Variants in MYADM observed in about 807,000 individuals in gnomAD.
The protein encoded by MYADM is myeloid-associated differentiation marker.
For synonymous variants in MYADM, 224 were observed against 210.2 expected, an observed-to-expected ratio of 1.07 and a Z score of -0.57; for missense variants, 416 against 443.4, an observed-to-expected ratio of 0.94 and a Z score of 0.56.
At position 53,873,952 on chromosome 19, in the gene MYADM, C is replaced by T. The variant is rs200027989; in HGVS notation, c.423C>T (p.Thr141=). 1,140 of 1,610,820 alleles carry T rather than the reference C, an allele frequency of 7.1e-4. 1 individual carries two copies. The highest frequency in any genetic ancestry group is 1.5e-3 in the Middle Eastern group (9 of 6,062). Residue 141 remains threonine (T), a synonymous_variant, in exon 3 of 3, where the codon ACC becomes ACT. Coordinates refer to ENST00000391770, the MANE Select transcript of MYADM (RefSeq NM_138373.5). This position sits in a 1 kb window ranked among gnomAD's most constrained non-coding sequence, Gnocchi z 4.3. The part of the protein sequence containing the change: ...GRSRDHAIAA[T]FFSCIACVAY... ...CGCGGGACCACGCCATCGCCGCCAC[C>T]TTCTTCTCCTGCATCGCGTGTGTGG... is the stretch of plus-strand genomic sequence containing the variant.
At position 53,874,276 on chromosome 19, in the gene MYADM, C is replaced by T. The variant is rs1568738343; in HGVS notation, c.747C>T (p.Leu249=). ...CGGGGCTGGCCTTGCTGTCTGTCCT[C>T]CTCTATGCCACCGCCCTTGTTCTCT... is the stretch of plus-strand genomic sequence containing the variant. ...FLSGLALLSV[L]LYATALVLWP... is the part of the protein sequence containing the mutation. Residue 249 remains leucine (L), a synonymous_variant, in exon 3 of 3, where the codon CTC becomes CTT. Transcript: ENST00000391770. 1 of 1,609,532 alleles carries T rather than the reference C, an allele frequency of 6.2e-7. No individual in the cohort carries two copies. The highest frequency in any genetic ancestry group is 8.5e-7 in the Non-Finnish European group (1 of 1,176,794).
In MYADM at chr19:53,873,160, AG is replaced by A. The variant is rs1478767527; in HGVS notation, c.-2-366del. ...GCCAAGGCCAGCGGATCATGAGGTC[AG>A]GAGATCGAGACCATCCTGGCTAACA... On this transcript the variant is annotated intron_variant, in intron 2 of 2. Coordinates refer to ENST00000391770, the MANE Select transcript of MYADM (RefSeq NM_138373.5). The surrounding 1 kb of genome is among the most constrained non-coding windows in gnomAD (Gnocchi z 4.3). Among the ~76,000 whole-genome samples the A allele has an allele frequency of 6.6e-6, 1 of 152,220 alleles. No individual in the cohort carries two copies. Among genetic ancestry groups the A allele is most frequent in the Non-Finnish European group, 1.5e-5 (1 of 68,038 alleles).
chr19:53,872,181 G>A (rs577602024), intron 2 of MYADM, among the ~76,000 whole-genome samples: 1 of 151,886 alleles, frequency 6.6e-6, no homozygotes, highest in East Asian at 2.0e-4. Context: ...TTACAGGCAT[G>A]AGCCACTGCG....
At position 53,873,518 on chromosome 19, in the gene MYADM, C is replaced by T. The variant is rs766273480; in HGVS notation, c.-2-10C>T. 1.9e-6 allele frequency: 3 copies of T among 1,589,778 alleles called. No homozygotes were observed. The South Asian group carries it at 3.4e-5, about 18-fold the overall frequency. On this transcript the variant is annotated splice_polypyrimidine_tract_variant and intron_variant, in intron 2 of 2. Transcript: ENST00000391770. The surrounding 1 kb of genome is among the most constrained non-coding windows in gnomAD (Gnocchi z 4.3). ...ACTGTATAAGGACACTGTCTTTCCC[C>T]TTTTTGCAGCCATGCCAGTGACGGT...
At chr19:53,866,491 A>T (rs2068247068), upstream of MYADM, 1 of 152,270 alleles carries the variant, frequency 6.6e-6, no homozygotes, top group Non-Finnish European at 1.5e-5. This position sits in a 1 kb window ranked among gnomAD's most constrained non-coding sequence, Gnocchi z 4.3. Flanking sequence ...GGGGCCCGAC[A>T]TCCCGACCCT....
At chr19:53,872,758 C>G (rs2068419106) in intron 2 of MYADM, 1 of 152,640 alleles carries the variant, frequency 6.6e-6, no homozygotes, top group African/African-American at 2.4e-5. Context: ...AATCCTCCTG[C>G]CTCAGCCTCT....
chr19:53,867,449 C>T (rs533575520), upstream of MYADM, among the ~76,000 whole-genome samples: 1 of 144,180 alleles, frequency 6.9e-6, no homozygotes, highest in Admixed American at 6.9e-5. Flanking sequence ...AGGAAGGGAG[C>T]GGAAGAAAGG....
In MYADM at chr19:53,874,183, C is replaced by A. The variant is rs909453043; in HGVS notation, c.654C>A (p.Ala218=). The stretch of plus-strand genomic sequence containing the variant: ...ACGCCATCTGCTTCATCCTAGCGGC[C>A]ATCGCCATCCTGCTGAACCTGGGGG... ...AVYAICFILA[A]IAILLNLGEC... The change falls in exon 3 of 3, where the codon GCC becomes GCA. Residue 218 remains alanine (A), a synonymous_variant. Coordinates refer to ENST00000391770, the MANE Select transcript of MYADM (RefSeq NM_138373.5). 2 of 1,613,904 alleles carry A rather than the reference C, an allele frequency of 1.2e-6. No individual in the cohort carries two copies. Among genetic ancestry groups the A allele is most frequent in the Non-Finnish European group, 1.7e-6 (2 of 1,179,994 alleles).
rs2068481162 is a variant in MYADM at position 53,874,491 on chromosome 19, A to G, written c.962A>G (p.Lys321Arg). The G allele has an allele frequency of 1.2e-6, 2 of 1,607,730 alleles. No individual in the cohort carries two copies. The highest frequency in any genetic ancestry group is 8.5e-7 in the Non-Finnish European group (1 of 1,176,738). The change falls in exon 3 of 3, where the codon AAG becomes AGG. Residue 321 changes from lysine (K) to arginine (R), a missense_variant. Transcript: ENST00000391770. The stretch of plus-strand genomic sequence containing the variant: ...CACTCTGCCCACCTGGTTTTTGTCA[A>G]GGTCTAAGACTCTCCCAAGAGGCTC... ...LVHSAHLVFVKV is the reference protein window; with the variant it reads ...LVHSAHLVFVRV
At chr19:53,871,738 C>T (rs1427853188) in intron 2 of MYADM, among the ~76,000 whole-genome samples, 1 of 151,934 alleles carries the variant, frequency 6.6e-6, no homozygotes, top group Non-Finnish European at 1.5e-5. Context: ...AGTTTGCTCA[C>T]AGGGTCTGGG....
At chr19:53,865,718 GGAATAACACAGTAA>G (rs1453954458), upstream of MYADM, 5 of 152,206 alleles carry the variant, frequency 3.3e-5, no homozygotes, top group African/African-American at 1.2e-4. Context: ...GCCACCACGA[GGAATAACACAGTAA>G]GTTGTGTAAG....
chr19:53,874,220 G>T lies in MYADM; in HGVS notation c.691G>T (p.Val231Leu). ...ILLNLGECTN[V>L]LPIPFPSFLS... Reference sequence around the variant, plus strand: ...GCTGAACCTGGGGGAGTGCACCAACGTGCTACCCATCCCCTTCCCCAGCTT... The same window carrying T: ...GCTGAACCTGGGGGAGTGCACCAACTTGCTACCCATCCCCTTCCCCAGCTT... Residue 231 changes from valine (V) to leucine (L), a missense_variant, in exon 3 of 3, where the codon GTG becomes TTG. Coordinates refer to ENST00000391770, the MANE Select transcript of MYADM (RefSeq NM_138373.5). 6.2e-7 allele frequency: 1 copy of T among 1,612,954 alleles called. No individual in the cohort carries two copies. The highest frequency in any genetic ancestry group is 1.1e-5 in the South Asian group (1 of 90,976).
In MYADM at chr19:53,873,869, C is replaced by A. The variant is rs1193883495; in HGVS notation, c.340C>A (p.Leu114Ile). The change falls in exon 3 of 3, where the codon CTC becomes ATC. Residue 114 changes from leucine (L) to isoleucine (I), a missense_variant. Transcript: ENST00000391770. The surrounding 1 kb of genome is among the most constrained non-coding windows in gnomAD (Gnocchi z 4.3). ...TFACYAALFC[L>I]SASIIYPTTY... ...CGCCTGCTATGCGGCCCTCTTCTGC[C>A]TCTCGGCCTCCATCATCTACCCCAC... 6.2e-7 allele frequency: 1 copy of A among 1,613,426 alleles called. No homozygotes were observed. The highest frequency in any genetic ancestry group is 1.1e-5 in the South Asian group (1 of 91,090).
At position 53,873,264 on chromosome 19, in the gene MYADM, C is replaced by G. The variant is rs143392524; in HGVS notation, c.-2-264C>G. 6.6e-6 allele frequency among the ~76,000 whole-genome samples: 1 copy of G among 151,358 alleles called. No homozygotes were observed. The highest frequency in any genetic ancestry group is 2.4e-5 in the African/African-American group (1 of 41,138). ...GCACATGCCTGTAATCTCAGCTACT[C>G]GGGAGGCTGAGGCAGGAGAATCACT... On this transcript the variant is annotated intron_variant, in intron 2 of 2. Transcript: ENST00000391770. This position sits in a 1 kb window ranked among gnomAD's most constrained non-coding sequence, Gnocchi z 4.3.
intron 2 of MYADM, among the ~76,000 whole-genome samples, chr19:53,871,163 G>A (rs1172726146): frequency 2.6e-5 from 4 of 152,182 alleles, no homozygotes; most frequent in Non-Finnish European, 4.4e-5. Flanking sequence ...TCCGGGAGGC[G>A]GAGGTTGCCG....
In MYADM at chr19:53,873,465, C is replaced by A; in HGVS notation, c.-2-63C>A. ...AATTTGTCCCTGGGGTAGGCAATGG[C>A]TAAGGGACCTGGATTCTTATGTTTG... On this transcript the variant is annotated intron_variant, in intron 2 of 2. Transcript: ENST00000391770. This position sits in a 1 kb window ranked among gnomAD's most constrained non-coding sequence, Gnocchi z 4.3. The A allele has an allele frequency of 6.6e-6, 10 of 1,515,742 alleles. No homozygotes were observed. The highest frequency in any genetic ancestry group is 8.8e-6 in the Non-Finnish European group (10 of 1,130,064). 93.9% of individuals were successfully genotyped at this position (1,515,742 alleles called of 1,614,324 possible). A position where few individuals can be genotyped will look rare whatever the true frequency, so the allele number is the denominator to read the frequency against.
Position 53,874,273 on chromosome 19 carries a change from C to A in MYADM, c.744C>A (p.Val248=), listed in dbSNP as rs1279104353. 3.1e-6 allele frequency: 5 copies of A among 1,609,450 alleles called. No individual in the cohort carries two copies. Among genetic ancestry groups the A allele is most frequent in the African/African-American group, 1.3e-5 (1 of 74,898 alleles). ...TGTCGGGGCTGGCCTTGCTGTCTGTCCTCCTCTATGCCACCGCCCTTGTTC... is the reference window on the plus strand; with the variant it reads ...TGTCGGGGCTGGCCTTGCTGTCTGTACTCCTCTATGCCACCGCCCTTGTTC... ...SFLSGLALLS[V]LLYATALVLW... is the part of the protein sequence containing the mutation. The change falls in exon 3 of 3, where the codon GTC becomes GTA. Residue 248 remains valine, a synonymous_variant. Coordinates refer to ENST00000391770, the MANE Select transcript of MYADM (RefSeq NM_138373.5).
Position 53,874,382 on chromosome 19 carries a change from T to C in MYADM, c.853T>C (p.Tyr285His). 1 of 1,614,224 alleles carries C rather than the reference T, an allele frequency of 6.2e-7. No individual in the cohort carries two copies. Among genetic ancestry groups the C allele is most frequent in the Admixed American group, 1.7e-5 (1 of 60,032 alleles). ...RDVSCSRSHA[Y>H]YVCAWDRRLA... ...TGTAAGCTGCAGCCGCAGCCATGCC[T>C]ACTACGTGTGTGCCTGGGACCGCCG... The change falls in exon 3 of 3, where the codon TAC becomes CAC. Residue 285 changes from tyrosine (Y) to histidine (H), a missense_variant. Coordinates refer to ENST00000391770, the MANE Select transcript of MYADM (RefSeq NM_138373.5).
chr19:53,869,458 C>T (rs1014555617), intron 1 of MYADM: 1 of 152,736 alleles, frequency 6.5e-6, no homozygotes, highest in Non-Finnish European at 1.5e-5. Flanking sequence ...GCTGGGCCGC[C>T]CGCCTCCACA....
Sources: allele counts gnomAD v4.1 joint callset (sites outside exome capture counted in the v4.1 genomes callset), GRCh38; gene constraint gnomAD v4.1.1; non-coding constraint Gnocchi (gnomAD v3.1); transcripts MANE v1.5; gene names NCBI Gene and HGNC (gene_info 2026-07-23, HGNC 2026-07-21).